The following SFMBT1 variants were observed in gnomAD, a reference collection of about 807,000 sequenced individuals.
SFMBT1 encodes the protein Scm like with four mbt domains 1, also known as scm-like with four MBT domains protein 1.
Under a neutral mutation model 108.7 loss-of-function variants are expected in SFMBT1, and 32 were observed. The ratio of observed to expected loss-of-function variants is 0.29; its 90% CI spans 0.22 to 0.40. The LOEUF is 0.40. SFMBT1 is among the 10% of genes least tolerant of loss of function. SFMBT1 has a pLI of 1.00. For missense variants in SFMBT1, 816 were observed against 1,059.6 expected, an observed-to-expected ratio of 0.77 and a Z score of 3.19; for synonymous variants, 348 against 369.5, an observed-to-expected ratio of 0.94 and a Z score of 0.67.
chr3:53,014,090 A>G (rs540283692), intron 1 of SFMBT1, among the ~76,000 whole-genome samples: 2 of 152,344 alleles, frequency 1.3e-5, no homozygotes, highest in South Asian at 4.1e-4. Flanking sequence ...GACTCAAAGA[A>G]GTTATTTAAC....
chr3:52,926,786 G>A (rs2106788118), intron 9 of SFMBT1, among the ~76,000 whole-genome samples: 1 of 152,182 alleles, frequency 6.6e-6, no homozygotes, highest in Middle Eastern at 3.4e-3. Flanking sequence ...GCTGAGCGAG[G>A]CCCAACTGCC....
intron 1 of SFMBT1, among the ~76,000 whole-genome samples, chr3:53,021,175 C>T (rs1303300180): frequency 2.6e-5 from 4 of 152,220 alleles, no homozygotes; most frequent in African/African-American, 9.6e-5. Flanking sequence ...TTTTTACACT[C>T]AGTACATTTC....
chr3:53,039,422 AAG>A (rs1369166518), intron 1 of SFMBT1, among the ~76,000 whole-genome samples: 1 of 152,210 alleles, frequency 6.6e-6, no homozygotes, highest in African/African-American at 2.4e-5. Flanking sequence ...CAAAATCATA[AAG>A]ACAGAAAGTA....
intron 8 of SFMBT1, chr3:52,928,553 G>A (rs910061305): frequency 5.2e-5 from 17 of 324,574 alleles, no homozygotes; most frequent in African/African-American, 4.1e-4. Flanking sequence ...CTTAACAACT[G>A]AATGAGGTAA....
intron 5 of SFMBT1, among the ~76,000 whole-genome samples, chr3:52,934,552 G>A (rs917890408): frequency 6.6e-6 from 1 of 151,874 alleles, no homozygotes; most frequent in Non-Finnish European, 1.5e-5. Flanking sequence ...GCCCTCAGAA[G>A]GTCCTATTTT....
intron 15 of SFMBT1, among the ~76,000 whole-genome samples, chr3:52,912,912 AG>A (rs1267180106): frequency 3.3e-5 from 5 of 152,332 alleles, no homozygotes; most frequent in African/African-American, 1.2e-4. Context: ...AAATTGCTCC[AG>A]AACATGCTTC....
intron 9 of SFMBT1, among the ~76,000 whole-genome samples, chr3:52,927,533 T>C (rs970514387): frequency 1.3e-5 from 2 of 152,160 alleles, no homozygotes; most frequent in African/African-American, 2.4e-5. Context: ...TATTAAAAAA[T>C]CAGATAAACA....
At chr3:52,967,771 A>T (rs775089265) in intron 2 of SFMBT1, among the ~76,000 whole-genome samples, 33 of 152,232 alleles carry the variant, frequency 2.2e-4, no homozygotes, top group Non-Finnish European at 4.9e-4. Flanking sequence ...CACCAGGATG[A>T]GCTGTCACTA....
At chr3:52,999,626 T>C (rs956532873) in intron 1 of SFMBT1, among the ~76,000 whole-genome samples, 1 of 150,202 alleles carries the variant, frequency 6.7e-6, no homozygotes, top group African/African-American at 2.4e-5. Context: ...CCCTAACCAC[T>C]GCTGTGGATG....
chr3:52,989,942 A>G (rs1373771973), intron 1 of SFMBT1, among the ~76,000 whole-genome samples: 2 of 152,264 alleles, frequency 1.3e-5, no homozygotes, highest in African/African-American at 4.8e-5. Flanking sequence ...TTAACAACGA[A>G]AAAGGTAGGC....
chr3:52,965,314 A>G (rs1460776578), intron 2 of SFMBT1, among the ~76,000 whole-genome samples: 1 of 119,726 alleles, frequency 8.4e-6, no homozygotes, highest in Non-Finnish European at 1.8e-5. Context: ...TAAACAACAG[A>G]GAGAAAACAT....
At chr3:52,988,299 A>T (rs908134267) in intron 1 of SFMBT1, among the ~76,000 whole-genome samples, 5 of 152,248 alleles carry the variant, frequency 3.3e-5, no homozygotes, top group Admixed American at 2.0e-4. Context: ...ATTCACTGGA[A>T]TTTTTTTTAA....
At chr3:53,036,262 C>G (rs139005937) in intron 1 of SFMBT1, among the ~76,000 whole-genome samples, 1 of 152,174 alleles carries the variant, frequency 6.6e-6, no homozygotes, top group African/African-American at 2.4e-5. Flanking sequence ...TGCCGTGGGA[C>G]AGGATGCTGG....
At chr3:53,022,390 C>T (rs1038757715) in intron 1 of SFMBT1, among the ~76,000 whole-genome samples, 1 of 144,070 alleles carries the variant, frequency 6.9e-6, no homozygotes, top group African/African-American at 2.6e-5. Flanking sequence ...GTAGACGCTG[C>T]AGTCAGCCAT....
rs546601472 is a variant in SFMBT1 at position 52,907,483 on chromosome 3, A to G, written c.2085+72T>C. On this transcript the variant is annotated intron_variant, in intron 18 of 20. Transcript: ENST00000394752. ...ATCTGAGTTAGAAAGACCTGCAGGT[A>G]TTCTGTGTCCATACTATAAAGCAGT... The G allele has an allele frequency of 6.0e-5, 92 of 1,541,572 alleles. 1 individual carries two copies. In the East Asian group the frequency reaches 9.2e-4, roughly 15 times the overall value.
chr3:53,038,264 C>T (rs1442301994), intron 1 of SFMBT1, among the ~76,000 whole-genome samples: 2 of 152,202 alleles, frequency 1.3e-5, no homozygotes, highest in African/African-American at 4.8e-5. Flanking sequence ...TTGACTTTTA[C>T]TACCGTGGCT....
chr3:53,036,384 C>T (rs910050749), intron 1 of SFMBT1, among the ~76,000 whole-genome samples: 1 of 152,158 alleles, frequency 6.6e-6, no homozygotes, highest in African/African-American at 2.4e-5. Flanking sequence ...ACTTGAAAAC[C>T]AAGGAGTCAG....
chr3:52,978,988 G>T (rs1704615765), intron 1 of SFMBT1, among the ~76,000 whole-genome samples: 1 of 152,132 alleles, frequency 6.6e-6, no homozygotes, highest in African/African-American at 2.4e-5. Flanking sequence ...AATATGTACA[G>T]GGTTGCTTTT....
intron 14 of SFMBT1, among the ~76,000 whole-genome samples, chr3:52,914,061 A>G (rs184323614): frequency 1.3e-5 from 2 of 152,346 alleles, no homozygotes; most frequent in Admixed American, 1.3e-4. Flanking sequence ...CACCAAACTA[A>G]TATGTTGGCA....
Sources: allele counts gnomAD v4.1 joint callset (sites outside exome capture counted in the v4.1 genomes callset), GRCh38; gene constraint gnomAD v4.1.1; transcripts MANE v1.5; gene names NCBI Gene and HGNC (gene_info 2026-07-23, HGNC 2026-07-21).